Variants in SLC25A26 observed in about 807,000 individuals in gnomAD.
SLC25A26 encodes mitochondrial S-adenosylmethionine carrier protein.
SLC25A26 carries 36 observed loss-of-function variants against 37.8 expected under a neutral mutation model. That is an observed-to-expected ratio of 0.95 (90% CI 0.73 to 1.26). The LOEUF (loss-of-function observed/expected upper bound fraction) is 1.26. SLC25A26 is among the 50% of genes most tolerant of loss of function. SLC25A26 has a pLI of 0.00. For missense variants in SLC25A26, 390 were observed against 331.1 expected, an observed-to-expected ratio of 1.18 and a Z score of -1.38; for synonymous variants, 129 against 122.5, an observed-to-expected ratio of 1.05 and a Z score of -0.35.
intron 5 of SLC25A26, among the ~76,000 whole-genome samples, chr3:66,269,125 A>G (rs2073865886): frequency 6.6e-6 from 1 of 152,232 alleles, no homozygotes; most frequent in Non-Finnish European, 1.5e-5. Flanking sequence ...CATTTGTGCT[A>G]GGAACTTTGC....
intron 5 of SLC25A26, among the ~76,000 whole-genome samples, chr3:66,295,400 T>G (rs2074864257): frequency 6.9e-6 from 1 of 143,974 alleles, no homozygotes. Context: ...ATTTTTTGTA[T>G]TTTTGTTTTT....
chr3:66,223,218 C>T (rs909476495), intron 1 of SLC25A26, among the ~76,000 whole-genome samples: 2 of 152,158 alleles, frequency 1.3e-5, no homozygotes, highest in African/African-American at 2.4e-5. Context: ...AGGAAAGCCA[C>T]GAAGTGGTAA....
At chr3:66,153,708 G>T (rs556380616) in intron 1 of SLC25A26, among the ~76,000 whole-genome samples, 1 of 152,374 alleles carries the variant, frequency 6.6e-6, no homozygotes, top group East Asian at 1.9e-4. Flanking sequence ...GGCACCAGCA[G>T]TGGGTGTGGA....
intron 1 of SLC25A26, among the ~76,000 whole-genome samples, chr3:66,179,497 A>T (rs527724537): frequency 6.6e-6 from 1 of 152,350 alleles, no homozygotes; most frequent in Non-Finnish European, 1.5e-5. Flanking sequence ...TTTTCCGAAA[A>T]TGTAAGATTA....
In SLC25A26 at chr3:66,326,914, C is replaced by G. The variant is rs561566277; in HGVS notation, c.454-19450C>G. On this transcript the variant is annotated intron_variant, in intron 5 of 9. Transcript: ENST00000354883. The stretch of plus-strand genomic sequence containing the variant: ...CACACCTACTTATAGGCCATGCAGA[C>G]TGGTGGGTTGCAGATGTTAGCCTAA... Among the ~76,000 whole-genome samples, 5 of 152,296 alleles carry G rather than the reference C, an allele frequency of 3.3e-5. No individual in the cohort carries two copies. The South Asian group carries it at 1.0e-3, about 32-fold the overall frequency.
At position 66,164,946 on chromosome 3, in the gene SLC25A26, C is replaced by T. The variant is rs148172757; in HGVS notation, c.-354+30962C>T. On this transcript the variant is annotated intron_variant, in intron 1 of 10. Coordinates refer to the SLC25A26 transcript ENST00000676754. ...GGATGCATGGAAGAAGCTGTGGTAGCCAGCCTTCAAGATGCCCCCAATGAT... is the reference window on the plus strand; with the variant it reads ...GGATGCATGGAAGAAGCTGTGGTAGTCAGCCTTCAAGATGCCCCCAATGAT... Among the ~76,000 whole-genome samples the T allele has an allele frequency of 6.5e-3, 985 of 152,300 alleles. 12 individuals are homozygous for T. Among genetic ancestry groups the T allele is most frequent in the African/African-American group, 0.022 (926 of 41,552 alleles).
At chr3:66,242,321 T>C (rs1266488604) in intron 2 of SLC25A26, among the ~76,000 whole-genome samples, 2 of 152,200 alleles carry the variant, frequency 1.3e-5, no homozygotes, top group African/African-American at 4.8e-5. Context: ...CAAATGGGAA[T>C]AGACTTGTGT....
chr3:66,360,860 A>G (rs527460936), intron 6 of SLC25A26, among the ~76,000 whole-genome samples: 4 of 152,346 alleles, frequency 2.6e-5, no homozygotes, highest in South Asian at 2.1e-4. Flanking sequence ...GTGCCTCCCA[A>G]TCACAGTCTT....
At chr3:66,343,799 T>A (rs1478672381) in intron 5 of SLC25A26, among the ~76,000 whole-genome samples, 3 of 152,250 alleles carry the variant, frequency 2.0e-5, no homozygotes, top group Admixed American at 6.5e-5. Context: ...TTACATATTA[T>A]AAAGTTTAAA....
At chr3:66,312,551 G>GA (rs937432062) in intron 5 of SLC25A26, among the ~76,000 whole-genome samples, 113 of 142,608 alleles carry the variant, frequency 7.9e-4, no homozygotes, top group Middle Eastern at 3.5e-3. Context: ...AGAAACAACA[G>GA]AAAAAAAAAA....
intron 5 of SLC25A26, among the ~76,000 whole-genome samples, chr3:66,297,525 G>A (rs2074943893): frequency 6.6e-6 from 1 of 152,112 alleles, no homozygotes; most frequent in African/African-American, 2.4e-5. Context: ...GACACTGAAG[G>A]TCTAGTTGCA....
At chr3:66,208,090 G>A (rs1424874598) in intron 1 of SLC25A26, among the ~76,000 whole-genome samples, 4 of 152,110 alleles carry the variant, frequency 2.6e-5, no homozygotes, top group African/African-American at 4.8e-5. Flanking sequence ...ATTTCCAAGC[G>A]ATTAGTCAAT....
chr3:66,174,813 GA>G (rs201726012), intron 1 of SLC25A26, among the ~76,000 whole-genome samples: 41,517 of 143,344 alleles, frequency 0.29, 6,502 homozygotes, highest in African/African-American at 0.42. Flanking sequence ...AAAAAAAAAA[GA>G]AAAAAAAAAT....
intron 6 of SLC25A26, among the ~76,000 whole-genome samples, chr3:66,351,348 G>C (rs966750820): frequency 6.6e-6 from 1 of 152,126 alleles, no homozygotes; most frequent in Non-Finnish European, 1.5e-5. Context: ...TAAAGAGATG[G>C]GGAAGCAAAA....
chr3:66,274,851 C>T (rs1208101253), intron 5 of SLC25A26, among the ~76,000 whole-genome samples: 4 of 152,040 alleles, frequency 2.6e-5, no homozygotes, highest in African/African-American at 9.7e-5. Flanking sequence ...GGCGATTCCT[C>T]AGGGATCTAG....
chr3:66,172,999 G>A (rs531795436), intron 1 of SLC25A26, among the ~76,000 whole-genome samples: 13 of 152,104 alleles, frequency 8.5e-5, no homozygotes, highest in South Asian at 4.2e-4. Context: ...ATTTGGAGGC[G>A]GACACATTTC....
chr3:66,310,395 T>G (rs1188687166), intron 5 of SLC25A26, among the ~76,000 whole-genome samples: 1 of 152,192 alleles, frequency 6.6e-6, no homozygotes, highest in Non-Finnish European at 1.5e-5. Flanking sequence ...ATTTGTGTCT[T>G]TGCATGTGAT....
intron 5 of SLC25A26, among the ~76,000 whole-genome samples, chr3:66,277,693 GA>G (rs1443658431): frequency 1.3e-5 from 2 of 152,042 alleles, no homozygotes; most frequent in African/African-American, 4.8e-5. Flanking sequence ...TTACAAAGGG[GA>G]AAATAGTAAT....
intron 5 of SLC25A26, among the ~76,000 whole-genome samples, chr3:66,303,741 A>G (rs2075139005): frequency 6.6e-6 from 1 of 152,190 alleles, no homozygotes; most frequent in African/African-American, 2.4e-5. Flanking sequence ...ATGGGTCTCT[A>G]CAGCAGCAGT....
Sources: allele counts gnomAD v4.1 joint callset (sites outside exome capture counted in the v4.1 genomes callset), GRCh38; gene constraint gnomAD v4.1.1; transcripts MANE v1.5; gene names NCBI Gene and HGNC (gene_info 2026-07-23, HGNC 2026-07-21).